CABLES1: variants seen among roughly 807,000 people sequenced by gnomAD.
The protein encoded by CABLES1 is Cdk5 and Abl enzyme substrate 1.
CABLES1 carries 36 observed loss-of-function variants against 57.8 expected under a neutral mutation model. The observed-to-expected ratio is 0.62, with a 90% CI of 0.48 to 0.82. CABLES1 has a LOEUF of 0.82. Among genes scored for constraint, CABLES1 ranks in the 40% least tolerant of loss-of-function variants. CABLES1 has a pLI of 0.00. For missense variants in CABLES1, 767 were observed against 836.6 expected (o/e 0.92, Z 1.03); for synonymous variants, 374 against 363.0 (o/e 1.03, Z -0.35).
At chr18:23,196,943 C>T (rs954072138) in intron 3 of CABLES1, 2 of 151,868 alleles carry the variant, frequency 1.3e-5, no homozygotes, top group Non-Finnish European at 2.9e-5. Flanking sequence ...ACCCTGAAAA[C>T]GCTGGCATGG....
At chr18:23,214,511 C>T (rs2047427734) in intron 4 of CABLES1, 1 of 153,228 alleles carries the variant, frequency 6.5e-6, no homozygotes, top group Admixed American at 6.5e-5. Flanking sequence ...GGTTCCAGGA[C>T]CAGAGATTAG....
chr18:23,151,845 G>C (rs55666521), intron 1 of CABLES1, among the ~76,000 whole-genome samples: 2,967 of 152,320 alleles, frequency 0.019, 51 homozygotes, highest in Middle Eastern at 0.068. Context: ...AGGAGGAGCA[G>C]CGGGTTTGAA....
chr18:23,193,675 G>A (rs1200598109), intron 2 of CABLES1, among the ~76,000 whole-genome samples: 2 of 152,100 alleles, frequency 1.3e-5, no homozygotes, highest in East Asian at 3.8e-4. Context: ...CTTTTCTGTC[G>A]TTGTGATTGT....
At chr18:23,173,504 C>G (rs1369134451) in intron 1 of CABLES1, among the ~76,000 whole-genome samples, 1 of 152,210 alleles carries the variant, frequency 6.6e-6, no homozygotes, top group African/African-American at 2.4e-5. Flanking sequence ...AAGGGCTTAG[C>G]AGGTCTAAAA....
chr18:23,206,554 C>T (rs1442953164), intron 3 of CABLES1, among the ~76,000 whole-genome samples: 1 of 152,228 alleles, frequency 6.6e-6, no homozygotes, highest in African/African-American at 2.4e-5. Context: ...TCTGTGGCAT[C>T]GACTTCCTTA....
intron 1 of CABLES1, among the ~76,000 whole-genome samples, chr18:23,161,982 A>G (rs954554153): frequency 3.3e-5 from 5 of 152,094 alleles, no homozygotes; most frequent in Admixed American, 2.0e-4. Flanking sequence ...CCTGACCAAC[A>G]TGGCGAAGCC....
intron 4 of CABLES1, among the ~76,000 whole-genome samples, chr18:23,232,754 A>T (rs944556160): frequency 6.6e-6 from 1 of 152,214 alleles, no homozygotes; most frequent in Non-Finnish European, 1.5e-5. Context: ...TACTGGGCAC[A>T]GAAGGTCTTG....
chr18:23,256,286 C>G (rs752340767), intron 9 of CABLES1, among the ~76,000 whole-genome samples: 21 of 152,210 alleles, frequency 1.4e-4, no homozygotes, highest in Non-Finnish European at 2.5e-4. Flanking sequence ...AGCAGCCCCT[C>G]TAGTTGGGTG....
rs572457379 is a variant in CABLES1, at chr18:23,230,398, G to C, written c.1089-4210G>C. ...AAACAAAAACAAAAAAAACCTATAA[G>C]AAACTGACATTGTTAGAAATGAGAT... On this transcript the variant is annotated intron_variant, in intron 4 of 9. Transcript: ENST00000256925. Among the ~76,000 whole-genome samples the C allele has an allele frequency of 6.6e-5, 10 of 152,298 alleles. No individual in the cohort carries two copies. In the South Asian group the frequency reaches 2.1e-3, roughly 32 times the overall value.
chr18:23,164,054 G>A (rs1438882882), intron 1 of CABLES1, among the ~76,000 whole-genome samples: 9 of 152,138 alleles, frequency 5.9e-5, no homozygotes, highest in Non-Finnish European at 1.0e-4. Flanking sequence ...CCTAACTACT[G>A]TGCCATGCTG....
At chr18:23,162,051 G>A (rs767268958) in intron 1 of CABLES1, among the ~76,000 whole-genome samples, 35 of 152,138 alleles carry the variant, frequency 2.3e-4, no homozygotes, top group Non-Finnish European at 4.7e-4. Context: ...TGCAATCCCA[G>A]CTACTTGGGA....
At chr18:23,161,893 G>A (rs1329383575) in intron 1 of CABLES1, among the ~76,000 whole-genome samples, 2 of 151,822 alleles carry the variant, frequency 1.3e-5, no homozygotes, top group African/African-American at 4.8e-5. Flanking sequence ...CTGCACTCCA[G>A]CCTGGGTGGA....
At chr18:23,246,998 G>A (rs2047912486) in intron 7 of CABLES1, among the ~76,000 whole-genome samples, 1 of 152,210 alleles carries the variant, frequency 6.6e-6, no homozygotes, top group Non-Finnish European at 1.5e-5. Flanking sequence ...CAGCTTGCAA[G>A]TTTTTATAAT....
chr18:23,212,559 C>T lies in CABLES1; in HGVS notation c.1011-1418C>T, dbSNP rs557735979. ...TGCATAGGATGCCTGCAGCCCTGCCCTCCCATGACGGATATTCAAGTGTTG... is the reference window on the plus strand; with the variant it reads ...TGCATAGGATGCCTGCAGCCCTGCCTTCCCATGACGGATATTCAAGTGTTG... On this transcript the variant is annotated intron_variant, in intron 3 of 9. Transcript: ENST00000256925. 6.6e-5 allele frequency among the ~76,000 whole-genome samples: 10 copies of T among 152,270 alleles called. No individual in the cohort carries two copies. In the South Asian group the frequency reaches 1.5e-3, roughly 22 times the overall value.
intron 4 of CABLES1, among the ~76,000 whole-genome samples, chr18:23,229,392 A>G (rs2047551024): frequency 6.6e-6 from 1 of 152,312 alleles, no homozygotes; most frequent in South Asian, 2.1e-4. Context: ...AGCCTAGGCA[A>G]CAAGAGTAAA....
intron 1 of CABLES1, among the ~76,000 whole-genome samples, chr18:23,154,513 G>A (rs1301461916): frequency 6.6e-6 from 1 of 152,144 alleles, no homozygotes; most frequent in Non-Finnish European, 1.5e-5. Context: ...TTTAACAATC[G>A]GGTGCCTCGT....
Position 23,233,082 on chromosome 18 carries a change from G to A in CABLES1, c.1089-1526G>A, listed in dbSNP as rs1324711521. On this transcript the variant is annotated intron_variant, in intron 4 of 9. Transcript: ENST00000256925. The stretch of plus-strand genomic sequence containing the variant: ...ACAGCAAGTATGCTGTGGGTCTGAG[G>A]TGCCTTTGACTAACAGGCACTGGAT... Among the ~76,000 whole-genome samples the A allele has an allele frequency of 7.2e-5, 11 of 152,216 alleles. No homozygotes were observed. The East Asian group carries it at 1.7e-3, about 24-fold the overall frequency.
At chr18:23,230,359 A>G (rs1387874080) in intron 4 of CABLES1, among the ~76,000 whole-genome samples, 1 of 152,206 alleles carries the variant, frequency 6.6e-6, no homozygotes, top group African/African-American at 2.4e-5. Flanking sequence ...GTGACAGAGC[A>G]AGACTCCATC....
chr18:23,136,696 G>A, intron 1 of CABLES1, 89 bp downstream of exon 1: 2 of 877,046 alleles, frequency 2.3e-6, no homozygotes, highest in East Asian at 3.2e-5. Context: ...CGGGACACGG[G>A]TTGCTCCCAT....
Sources: gnomAD v4.1 joint callset for allele counts (sites outside exome capture counted in the v4.1 genomes callset) on GRCh38, gnomAD v4.1.1 for gene constraint, MANE v1.5 for transcripts, NCBI Gene and HGNC (gene_info 2026-07-23, HGNC 2026-07-21) for gene names.